Variants in MZT1 observed in about 807,000 individuals in gnomAD.
MZT1 encodes mitotic-spindle organizing protein 1.
In MZT1, 8 loss-of-function variants were observed where a neutral mutation model predicts 8.5. That is an observed-to-expected ratio of 0.94 (90% CI 0.55 to 1.70). The LOEUF (loss-of-function observed/expected upper bound fraction) is 1.70, where lower values mean the gene tolerates loss of function less well. MZT1 is among the 40% of genes most tolerant of loss of function. The probability of loss-of-function intolerance (pLI) is 0.00; values close to 1 mark genes in which losing one functional copy is unlikely to be tolerated. For synonymous variants in MZT1, 38 were observed against 42.0 expected (o/e 0.90, Z 0.37); for missense variants, 93 against 108.6 (o/e 0.86, Z 0.64).
At position 72,714,152 on chromosome 13, in the gene MZT1, T is replaced by C. The variant is rs147945437; in HGVS notation, c.226-3807A>G. On this transcript the variant is annotated intron_variant, in intron 2 of 2. Coordinates refer to ENST00000377818, the MANE Select transcript of MZT1 (RefSeq NM_001071775.3). Reference sequence around the variant, plus strand: ...GACCTGGAGCAAAGGTCATGCATGTTATGCTTTAGCAAAAAATTTGGCTGC... The same window carrying C: ...GACCTGGAGCAAAGGTCATGCATGTCATGCTTTAGCAAAAAATTTGGCTGC... Among the ~76,000 whole-genome samples the C allele has an allele frequency of 6.5e-3, 983 of 152,246 alleles. 6 individuals are homozygous for C. Among genetic ancestry groups the C allele is most frequent in the Middle Eastern group, 0.014 (4 of 294 alleles).
At chr13:72,727,503 G>A (rs1312192720) in intron 1 of MZT1, 21 bp downstream of exon 1, 1 of 1,612,814 alleles carries the variant, frequency 6.2e-7, no homozygotes, top group Non-Finnish European at 8.5e-7. Context: ...GCAAGGTAAA[G>A]GGAGCGCAAC....
intron 1 of MZT1, among the ~76,000 whole-genome samples, chr13:72,723,076 T>C (rs2032605858): frequency 6.6e-6 from 1 of 152,200 alleles, no homozygotes; most frequent in African/African-American, 2.4e-5. Flanking sequence ...AGTTTTTCAG[T>C]TGATTCTCTC....
At chr13:72,720,352 A>G (rs182298671) in intron 1 of MZT1, among the ~76,000 whole-genome samples, 168 of 152,332 alleles carry the variant, frequency 1.1e-3, no homozygotes, top group Middle Eastern at 3.4e-3. Context: ...CATTTATATA[A>G]GCCATTTTAT....
chr13:72,712,426 T>C (rs547208083), intron 2 of MZT1, among the ~76,000 whole-genome samples: 1 of 152,342 alleles, frequency 6.6e-6, no homozygotes, highest in East Asian at 1.9e-4. Context: ...AGTGCTGGTA[T>C]TACAGGCGTG....
rs772890866 is a variant in MZT1, at chr13:72,718,938, T to G, written c.225+14A>C. On this transcript the variant is annotated intron_variant, in intron 2 of 2. Transcript: ENST00000377818. ...AGCATCTTTATTTAGAATGAACTAA[T>G]AGGAATCTCCAACCTTCAGTGCTTC... The G allele has an allele frequency of 1.3e-6, 2 of 1,559,326 alleles. No individual in the cohort carries two copies. The highest frequency in any genetic ancestry group is 1.7e-6 in the Non-Finnish European group (2 of 1,162,874).
intron 1 of MZT1, among the ~76,000 whole-genome samples, chr13:72,724,410 G>C (rs937677406): frequency 1.1e-4 from 16 of 151,924 alleles, no homozygotes; most frequent in African/African-American, 3.9e-4. Context: ...CTGACTTCTA[G>C]ATTTCTTTCT....
intron 1 of MZT1, among the ~76,000 whole-genome samples, chr13:72,720,592 T>C (rs114312176): frequency 0.013 from 2,031 of 152,226 alleles, 51 homozygotes; most frequent in African/African-American, 0.046. Context: ...CTTTCATCCC[T>C]AGAAGTTCAA....
chr13:72,711,174 G>T (rs1182987357), intron 2 of MZT1, among the ~76,000 whole-genome samples: 3 of 152,268 alleles, frequency 2.0e-5, no homozygotes, highest in Admixed American at 2.0e-4. Context: ...ATACAGGAAA[G>T]TAGGTTTTGC....
chr13:72,711,639 A>G (rs2032489561), intron 2 of MZT1, among the ~76,000 whole-genome samples: 1 of 152,100 alleles, frequency 6.6e-6, no homozygotes, highest in African/African-American at 2.4e-5. Context: ...GGAATTCTAG[A>G]TAAAGATAGA....
chr13:72,715,024 T>C (rs1303241458), intron 2 of MZT1, among the ~76,000 whole-genome samples: 1 of 152,188 alleles, frequency 6.6e-6, no homozygotes, highest in Non-Finnish European at 1.5e-5. Flanking sequence ...CACTGACAGC[T>C]TGTACCCTGA....
In MZT1 at chr13:72,724,739, TACACA is replaced by T. The variant is rs1566214892; in HGVS notation, c.79+2780_79+2784del. ...ATATACATATATATATATATATATA[TACACA>T]TATATATATGTAAAGTGGTGCTACA... On this transcript the variant is annotated intron_variant, in intron 1 of 2. Transcript: ENST00000377818. Among the ~76,000 whole-genome samples, 39 of 41,372 alleles carry T rather than the reference TACACA, an allele frequency of 9.4e-4. 2 individuals carry two copies. The highest frequency in any genetic ancestry group is 1.3e-3 in the South Asian group (1 of 758). 27.1% of individuals were successfully genotyped at this position (41,372 alleles called of 152,430 possible).
rs2032473058 is a variant in MZT1, at chr13:72,710,023, C to T, written c.*299G>A. 1 of 359,920 alleles carries T rather than the reference C, an allele frequency of 2.8e-6. No homozygotes were observed. The highest frequency in any genetic ancestry group is 4.5e-5 in the Admixed American group (1 of 22,282). The allele number at this position is 359,920 out of a possible 1,614,324, so 22.3% of individuals were successfully genotyped here. ...ATGTGCACATCTGATAGACAGACTG[C>T]TTAGAAAATTAAAGCTATCAGAGCT... On this transcript the variant is annotated 3_prime_UTR_variant, in exon 3 of 3. Coordinates refer to ENST00000377818, the MANE Select transcript of MZT1 (RefSeq NM_001071775.3).
At chr13:72,722,764 G>C (rs1461831476) in intron 1 of MZT1, among the ~76,000 whole-genome samples, 1 of 152,148 alleles carries the variant, frequency 6.6e-6, no homozygotes, top group East Asian at 1.9e-4. Flanking sequence ...GTTCCCATCT[G>C]CTCCTTTCTT....
chr13:72,717,129 T>C (rs2032543238), intron 2 of MZT1, among the ~76,000 whole-genome samples: 1 of 152,206 alleles, frequency 6.6e-6, no homozygotes. Flanking sequence ...GAGAATTTTC[T>C]AAATTCTCAG....
At chr13:72,718,834 G>A (rs2032564537) in intron 2 of MZT1, 118 bp downstream of exon 2, 1 of 945,842 alleles carries the variant, frequency 1.1e-6, no homozygotes, top group Admixed American at 2.8e-5. Context: ...TGGTCTTCTA[G>A]TGGTGTTGCA....
chr13:72,724,715 TATACATATATATATATATATATATACAC>T lies in MZT1; in HGVS notation c.79+2781_79+2808del, dbSNP rs1188901097. Reference sequence around the variant, plus strand: ...ACTTACTACTAAATATATATATATATATACATATATATATATATATATATACACATATATATATGTAAAGTGGTGCTAC... The same window carrying T: ...ACTTACTACTAAATATATATATATATATATATATATGTAAAGTGGTGCTAC... On this transcript the variant is annotated intron_variant, in intron 1 of 2. Coordinates refer to ENST00000377818, the MANE Select transcript of MZT1 (RefSeq NM_001071775.3). Among the ~76,000 whole-genome samples, 54 of 22,814 alleles carry T rather than the reference TATACATATATATATATATATATATACAC, an allele frequency of 2.4e-3. 6 individuals are homozygous for T. The East Asian group carries it at 0.059, about 25-fold the overall frequency. 15.0% of individuals were successfully genotyped at this position (22,814 alleles called of 152,430 possible).
chr13:72,720,960 C>T (rs1213138365), intron 1 of MZT1, among the ~76,000 whole-genome samples: 1 of 151,918 alleles, frequency 6.6e-6, no homozygotes, highest in African/African-American at 2.4e-5. Flanking sequence ...TTTCATGCCT[C>T]TACTAAACTT....
rs1301203268 is a variant in MZT1 at position 72,724,748 on chromosome 13, A to ATGTGTGTGTG, written c.79+2775_79+2776insCACACACACA. Among the ~76,000 whole-genome samples, 24 of 37,156 alleles carry ATGTGTGTGTG rather than the reference A, an allele frequency of 6.5e-4. 1 individual carries two copies. The highest frequency in any genetic ancestry group is 4.1e-3 in the South Asian group (3 of 728). 24.4% of individuals were successfully genotyped at this position (37,156 alleles called of 152,430 possible). A position where few individuals can be genotyped will look rare whatever the true frequency, so the allele number is the denominator to read the frequency against. ...TATATATATATATATATACACATAT[A>ATGTGTGTGTG]TATATGTAAAGTGGTGCTACAGGCC... On this transcript the variant is annotated intron_variant, in intron 1 of 2. Transcript: ENST00000377818.
At chr13:72,727,430 A>G in intron 1 of MZT1, 94 bp downstream of exon 1, 1 of 1,252,374 alleles carries the variant, frequency 8.0e-7, no homozygotes, top group Non-Finnish European at 1.2e-6. Context: ...TTGGGGCACT[A>G]AGGGGACCTG....
Sources: gnomAD v4.1 joint callset for allele counts (sites outside exome capture counted in the v4.1 genomes callset) on GRCh38, gnomAD v4.1.1 for gene constraint, MANE v1.5 for transcripts, NCBI Gene and HGNC (gene_info 2026-07-23, HGNC 2026-07-21) for gene names.